NBEA: variants seen among roughly 807,000 people sequenced by gnomAD.
NBEA encodes neurobeachin.
NBEA carries 44 observed loss-of-function variants against 343.4 expected under a neutral mutation model. That is an observed-to-expected ratio of 0.13 (90% CI 0.10 to 0.16). NBEA has a LOEUF of 0.16. NBEA is among the 10% of genes least tolerant of loss of function. The pLI is 1.00. For missense variants in NBEA, 2,555 were observed against 3,631.3 expected (o/e 0.70, Z 7.62); for synonymous variants, 1,175 against 1,238.7 (o/e 0.95, Z 1.08).
intron 1 of NBEA, among the ~76,000 whole-genome samples, chr13:34,976,457 A>C (rs1048585750): frequency 6.6e-6 from 1 of 152,172 alleles, no homozygotes; most frequent in African/African-American, 2.4e-5. Flanking sequence ...AAAAGACTGC[A>C]CATGGGGTAC....
At chr13:35,117,983 GCTAA>G (rs1246372164) in intron 14 of NBEA, among the ~76,000 whole-genome samples, 1 of 151,860 alleles carries the variant, frequency 6.6e-6, no homozygotes, top group Non-Finnish European at 1.5e-5. Context: ...GTCAAAATAT[GCTAA>G]CTTTTTATAG....
chr13:35,128,140 A>T (rs1454559677), intron 17 of NBEA, among the ~76,000 whole-genome samples: 1 of 151,128 alleles, frequency 6.6e-6, no homozygotes, highest in African/African-American at 2.4e-5. Context: ...ATGCGAGATG[A>T]TGAGTTAGTG....
chr13:35,397,618 T>C (rs2042808456), intron 38 of NBEA, among the ~76,000 whole-genome samples: 1 of 152,098 alleles, frequency 6.6e-6, no homozygotes, highest in Non-Finnish European at 1.5e-5. Context: ...AATACACACA[T>C]ACATCAGAGA....
chr13:35,057,619 T>G (rs1163807583), intron 7 of NBEA, among the ~76,000 whole-genome samples: 2 of 152,104 alleles, frequency 1.3e-5, no homozygotes, highest in African/African-American at 4.8e-5. Context: ...GTTTTCAGAA[T>G]TAGAATACAC....
Position 35,472,417 on chromosome 13 carries a change from A to T in NBEA, c.6466A>T (p.Thr2156Ser), listed in dbSNP as rs76497503. 1.2e-6 allele frequency: 2 copies of T among 1,613,434 alleles called. No individual in the cohort carries two copies. The highest frequency in any genetic ancestry group is 4.5e-5 in the East Asian group (2 of 44,866). The change falls in exon 41 of 59, where the codon ACC becomes TCC. Residue 2156 changes from threonine (T) to serine (S), a missense_variant. By Grantham distance (58) the Thr-to-Ser change is moderately conservative. Around this residue, in one of 21 missense-constraint regions of NBEA, gnomAD observed 246 missense variants for 313.7 expected, o/e 0.78. Coordinates refer to ENST00000379939, the MANE Select transcript of NBEA (RefSeq NM_001385012.1). ...DNLAGPVVLS[T>S]PAQLIAPVVV... ...CCTTGCAGGCCCAGTGGTTCTCAGC[A>T]CCCCTGCCCAGCTCATCGCTCCCGT...
At chr13:35,308,574 A>ATGTATATG (rs2037135794) in intron 35 of NBEA, among the ~76,000 whole-genome samples, 2 of 124,128 alleles carry the variant, frequency 1.6e-5, no homozygotes, top group Non-Finnish European at 3.3e-5. Context: ...ATGTATATAT[A>ATGTATATG]TGTATATATG....
intron 1 of NBEA, among the ~76,000 whole-genome samples, chr13:35,011,028 G>T (rs1270333095): frequency 1.3e-5 from 2 of 151,794 alleles, no homozygotes; most frequent in Non-Finnish European, 2.9e-5. Context: ...CAGGTCAAAG[G>T]TCAGGAACGA....
chr13:35,195,425 T>C (rs965937408), intron 30 of NBEA, among the ~76,000 whole-genome samples: 4 of 150,718 alleles, frequency 2.7e-5, no homozygotes, highest in Admixed American at 6.6e-5. Flanking sequence ...TGAGATGGAG[T>C]TTTGCTCTTG....
chr13:35,126,113 G>A (rs764561128), intron 17 of NBEA, among the ~76,000 whole-genome samples: 3 of 152,178 alleles, frequency 2.0e-5, no homozygotes, highest in Non-Finnish European at 2.9e-5. Flanking sequence ...AGACATAATT[G>A]GATCATGGGG....
At chr13:35,273,051 G>T (rs6562875) in intron 34 of NBEA, among the ~76,000 whole-genome samples, 126,645 of 152,096 alleles carry the variant, frequency 0.83, 52,931 homozygotes, top group South Asian at 0.94. Flanking sequence ...AGAATATACA[G>T]TCTTCTCAGT....
intron 30 of NBEA, 60 bp from the exon 31 acceptor site, chr13:35,195,804 T>A: frequency 1.4e-6 from 2 of 1,396,092 alleles, no homozygotes; most frequent in Non-Finnish European, 1.9e-6. Flanking sequence ...AAACATTTGA[T>A]TAATAATACA....
chr13:35,047,435 A>C (rs1397716974), intron 4 of NBEA, among the ~76,000 whole-genome samples: 1 of 152,058 alleles, frequency 6.6e-6, no homozygotes, highest in Non-Finnish European at 1.5e-5. Flanking sequence ...CTATGGGAAC[A>C]CAATTGAAAA....
intron 31 of NBEA, among the ~76,000 whole-genome samples, chr13:35,199,456 G>A (rs1269551077): frequency 1.3e-5 from 2 of 152,110 alleles, no homozygotes; most frequent in African/African-American, 2.4e-5. Flanking sequence ...TTGAAAAGTA[G>A]ATATAAACTC....
intron 52 of NBEA, among the ~76,000 whole-genome samples, chr13:35,651,488 G>T (rs1053187518): frequency 6.6e-6 from 1 of 151,890 alleles, no homozygotes; most frequent in Non-Finnish European, 1.5e-5. Context: ...TTGATTTCAG[G>T]CTCATTGATT....
chr13:35,490,122 A>G (rs1320786379), intron 41 of NBEA, among the ~76,000 whole-genome samples: 1 of 151,886 alleles, frequency 6.6e-6, no homozygotes. Context: ...TACTGAGGGC[A>G]CACTAGAATG....
intron 41 of NBEA, chr13:35,475,575 T>A: frequency 6.2e-7 from 1 of 1,613,354 alleles, no homozygotes; most frequent in Non-Finnish European, 8.5e-7. Context: ...TGTGGGGAAG[T>A]GGCCAGTGGG....
intron 34 of NBEA, among the ~76,000 whole-genome samples, chr13:35,273,575 G>A (rs1257468334): frequency 6.6e-6 from 1 of 152,094 alleles, no homozygotes; most frequent in East Asian, 1.9e-4. Context: ...GAATCCAGGA[G>A]CTGGTTTTTT....
intron 27 of NBEA, among the ~76,000 whole-genome samples, chr13:35,174,231 C>T (rs370494789): frequency 6.6e-6 from 1 of 152,202 alleles, no homozygotes; most frequent in East Asian, 1.9e-4. Context: ...GATTTCCTTT[C>T]CATAAAGTAT....
chr13:35,566,076 A>G (rs1229541343), intron 44 of NBEA, among the ~76,000 whole-genome samples: 1 of 152,190 alleles, frequency 6.6e-6, no homozygotes, highest in Non-Finnish European at 1.5e-5. Context: ...ATAGAATACC[A>G]TCACAGCCAG....
Sources: allele counts gnomAD v4.1 joint callset (sites outside exome capture counted in the v4.1 genomes callset), GRCh38; gene constraint gnomAD v4.1.1; regional missense constraint gnomAD v4.1.1; transcripts MANE v1.5; gene names NCBI Gene and HGNC (gene_info 2026-07-23, HGNC 2026-07-21).